C16orf96: variants seen among roughly 807,000 people sequenced by gnomAD.
C16orf96 encodes the protein uncharacterized protein C16orf96.
In C16orf96, 108 loss-of-function variants were observed where a neutral mutation model predicts 103.6. That is an observed-to-expected ratio of 1.04 (90% CI 0.89 to 1.22). The LOEUF (loss-of-function observed/expected upper bound fraction) is 1.22, where lower values mean the gene tolerates loss of function less well. Ranked by LOEUF, C16orf96 falls within the 50% of genes most tolerant of loss-of-function variation. The probability of loss-of-function intolerance (pLI) is 0.00; values close to 1 mark genes in which losing one functional copy is unlikely to be tolerated. For synonymous variants in C16orf96, 566 were observed against 593.5 expected, an observed-to-expected ratio of 0.95 and a Z score of 0.67; for missense variants, 1,586 against 1,464.2, an observed-to-expected ratio of 1.08 and a Z score of -1.36.
chr16:4,563,769 A>G (rs938965653), intron 1 of C16orf96, among the ~76,000 whole-genome samples: 2 of 150,324 alleles, frequency 1.3e-5, no homozygotes, highest in Non-Finnish European at 3.0e-5. Flanking sequence ...GGGTTTCACC[A>G]TGTTGGCCAG....
chr16:4,548,739 G>A, the C16orf96 span, among the ~76,000 whole-genome samples: 2 of 152,096 alleles, frequency 1.3e-5, no homozygotes, highest in Non-Finnish European at 2.9e-5. Flanking sequence ...CAGGCGTGGT[G>A]GTGCATGCCT....
At chr16:4,547,247 G>T in the C16orf96 span, among the ~76,000 whole-genome samples, 1 of 152,188 alleles carries the variant, frequency 6.6e-6, no homozygotes, top group South Asian at 2.1e-4. Flanking sequence ...CGATTCTCCT[G>T]CCTCAGCCTC....
chr16:4,578,203 C>T (rs978255444), intron 5 of C16orf96, among the ~76,000 whole-genome samples: 6 of 152,098 alleles, frequency 3.9e-5, no homozygotes, highest in East Asian at 1.9e-4. Context: ...AGTGCAATGG[C>T]GTGATCACAG....
chr16:4,600,571 C>A lies in C16orf96; in HGVS notation c.*254C>A. 2 of 472,554 alleles carry A rather than the reference C, an allele frequency of 4.2e-6. No homozygotes were observed. Among genetic ancestry groups the A allele is most frequent in the Non-Finnish European group, 7.8e-6 (2 of 256,046 alleles). 29.3% of individuals were successfully genotyped at this position (472,554 alleles called of 1,614,324 possible). A position where few individuals can be genotyped will look rare whatever the true frequency, so the allele number is the denominator to read the frequency against. ...CCCCCACCCCCACCAAGTCCCGTCC[C>A]CGGCTGAGACCCAGGGCCCTGAGCC... On this transcript the variant is annotated 3_prime_UTR_variant, in exon 16 of 16. Transcript: ENST00000444310.
intron 13 of C16orf96, 54 bp from the exon 14 acceptor site, chr16:4,594,650 C>T (rs947640622): frequency 7.1e-6 from 11 of 1,545,056 alleles, no homozygotes; most frequent in Admixed American, 3.9e-5. Flanking sequence ...TACCAAAGTT[C>T]GGGGGCAGAT....
chr16:4,577,216 T>C (rs1054821264), intron 5 of C16orf96, among the ~76,000 whole-genome samples: 1 of 151,394 alleles, frequency 6.6e-6, no homozygotes, highest in Admixed American at 6.6e-5. Context: ...CAAAAAAAAC[T>C]CCTTTGTGAT....
At position 4,600,260 on chromosome 16, in the gene C16orf96, TC is replaced by T. The variant is rs1567139365; in HGVS notation, c.3371del (p.Pro1124HisfsTer134). ...CAGGGTCCACCAGGCTCTCAAGAGC[TC>T]CACACATTGAGTCCCGAGTCGGCAG... ...APGSTRLSRA[P>X]HIESRVGRKP... is the part of the protein sequence containing the mutation. On this transcript the variant is annotated frameshift_variant, in exon 16 of 16. Transcript: ENST00000444310. LOFTEE classifies it low-confidence loss of function (END_TRUNC). The T allele has an allele frequency of 6.4e-7, 1 of 1,551,202 alleles. No individual in the cohort carries two copies. Among genetic ancestry groups the T allele is most frequent in the Non-Finnish European group, 8.7e-7 (1 of 1,146,896 alleles).
chr16:4,600,030 G>GCCCCAT (rs1252308805), intron 15 of C16orf96, 70 bp from the exon 16 acceptor site: 1 of 1,375,426 alleles, frequency 7.3e-7, no homozygotes, highest in African/African-American at 1.4e-5. Context: ...AGTGGGGATG[G>GCCCCAT]CCCCATCAGG....
chr16:4,570,463 CT>C (rs59843201), intron 1 of C16orf96, among the ~76,000 whole-genome samples: 81,866 of 91,492 alleles, frequency 0.89, 36,984 homozygotes, highest in South Asian at 0.97. Context: ...TCACAACACG[CT>C]TTTTTTTTTT....
chr16:4,586,929 A>G, intron 7 of C16orf96, 110 bp from the exon 8 acceptor site: 1 of 988,748 alleles, frequency 1.0e-6, no homozygotes, highest in East Asian at 2.7e-5. Flanking sequence ...CCTGCTGTCC[A>G]CACGGCCTGC....
intron 5 of C16orf96, among the ~76,000 whole-genome samples, chr16:4,577,673 T>C (rs193294945): frequency 1.9e-3 from 292 of 151,446 alleles, no homozygotes; most frequent in African/African-American, 6.5e-3. Flanking sequence ...TTTTAAACAT[T>C]GGCCGTGTGC....
At chr16:4,544,604 G>A in the C16orf96 span, among the ~76,000 whole-genome samples, 2 of 152,146 alleles carry the variant, frequency 1.3e-5, no homozygotes, top group African/African-American at 4.8e-5. Context: ...GCCTGACCCT[G>A]TCTGAAAAAT....
intron 14 of C16orf96, among the ~76,000 whole-genome samples, 195 bp downstream of exon 14, chr16:4,594,998 G>C (rs1186080457): frequency 2.0e-5 from 3 of 152,184 alleles, no homozygotes; most frequent in Admixed American, 6.5e-5. Context: ...GAGACCGCGG[G>C]AGCGAGGATC....
chr16:4,584,372 C>T (rs1896867347), intron 7 of C16orf96, among the ~76,000 whole-genome samples: 3 of 2,316 alleles, frequency 1.3e-3, no homozygotes, highest in South Asian at 0.029. Flanking sequence ...TTTTGAGATA[C>T]AGTCTCGCTC....
In C16orf96 at chr16:4,600,606, A is replaced by C. The variant is rs1897264165; in HGVS notation, c.*289A>C. 2.5e-6 allele frequency: 1 copy of C among 407,900 alleles called. No homozygotes were observed. The highest frequency in any genetic ancestry group is 4.6e-6 in the Non-Finnish European group (1 of 216,028). 25.3% of individuals were successfully genotyped at this position (407,900 alleles called of 1,614,324 possible). On this transcript the variant is annotated 3_prime_UTR_variant, in exon 16 of 16. Transcript: ENST00000444310. ...CCCAGGGCCCTGAGCCTGGCCCAGA[A>C]AGGGTGCTGGGGCCCTGGATAGAGG...
At chr16:4,552,105 T>C (rs1173508392), upstream of C16orf96, among the ~76,000 whole-genome samples, 7 of 152,214 alleles carry the variant, frequency 4.6e-5, no homozygotes, top group Admixed American at 2.0e-4. Context: ...TCCTTTTTTA[T>C]GGCTGCAGTT....
At chr16:4,547,311 A>G in the C16orf96 span, among the ~76,000 whole-genome samples, 8 of 152,066 alleles carry the variant, frequency 5.3e-5, no homozygotes, top group African/African-American at 1.7e-4. Flanking sequence ...TAATTTTTGT[A>G]TTTATGGTAG....
intron 1 of C16orf96, among the ~76,000 whole-genome samples, chr16:4,570,134 A>T (rs1368841455): frequency 6.6e-6 from 1 of 152,080 alleles, no homozygotes; most frequent in African/African-American, 2.4e-5. Context: ...TGAATTACGG[A>T]GACGGGATCT....
At chr16:4,587,810 C>A (rs1184985710) in intron 8 of C16orf96, among the ~76,000 whole-genome samples, 1 of 151,984 alleles carries the variant, frequency 6.6e-6, no homozygotes, top group Non-Finnish European at 1.5e-5. Flanking sequence ...ATGGAACATG[C>A]CTGTAGTCCC....
Sources: gnomAD v4.1 joint callset for allele counts (sites outside exome capture counted in the v4.1 genomes callset) on GRCh38, gnomAD v4.1.1 for gene constraint, MANE v1.5 for transcripts, NCBI Gene and HGNC (gene_info 2026-07-23, HGNC 2026-07-21) for gene names.